The following VGLL4 variants were observed in gnomAD, a reference collection of about 807,000 sequenced individuals.
VGLL4 encodes vestigial like family member 4, also known as transcription cofactor vestigial-like protein 4.
VGLL4 carries 7 observed loss-of-function variants against 21.0 expected under a neutral mutation model. That is an observed-to-expected ratio of 0.33 (90% CI 0.19 to 0.63). VGLL4 has a LOEUF of 0.63. Among genes scored for constraint, VGLL4 ranks in the 20% least tolerant of loss-of-function variants. The pLI is 0.78. For synonymous variants in VGLL4, 222 were observed against 173.2 expected (o/e 1.28, Z -2.21); for missense variants, 394 against 425.7 (o/e 0.93, Z 0.66).
intron 1 of VGLL4, among the ~76,000 whole-genome samples, chr3:11,704,613 G>A (rs2076733937): frequency 6.6e-6 from 1 of 151,994 alleles, no homozygotes; most frequent in Admixed American, 6.6e-5. Context: ...ATTCTGCACT[G>A]GGTGTTCATA....
At chr3:11,713,459 C>T (rs1185157258) in intron 1 of VGLL4, among the ~76,000 whole-genome samples, 1 of 151,700 alleles carries the variant, frequency 6.6e-6, no homozygotes, top group South Asian at 2.1e-4. Context: ...CTTACTTCTA[C>T]ACATGATCAC....
rs1394283753 is a variant in VGLL4, at chr3:11,556,184, A to G, written c.*2372T>C. 6.6e-6 allele frequency: 1 copy of G among 152,572 alleles called. No individual in the cohort carries two copies. Among genetic ancestry groups the G allele is most frequent in the East Asian group, 1.9e-4 (1 of 5,326 alleles). The allele number at this position is 152,572 out of a possible 1,614,324, so 9.5% of individuals were successfully genotyped here. A position where few individuals can be genotyped will look rare whatever the true frequency, so the allele number is the denominator to read the frequency against. ...AAAAACAGGCCACAGAGAATGGTAT[A>G]TTACAGATTTACACACATGAAGAGA... On this transcript the variant is annotated 3_prime_UTR_variant, in exon 5 of 5. Transcript: ENST00000430365.
At chr3:11,676,404 AAAAAAAT>A (rs1301231000) in intron 2 of VGLL4, among the ~76,000 whole-genome samples, 2 of 32,822 alleles carry the variant, frequency 6.1e-5, no homozygotes, top group African/African-American at 1.4e-4. Flanking sequence ...CAAAAAAAAA[AAAAAAAT>A]AAAATAATAA....
chr3:11,679,903 G>C (rs1053360196), intron 2 of VGLL4, among the ~76,000 whole-genome samples: 7 of 152,144 alleles, frequency 4.6e-5, no homozygotes, highest in African/African-American at 1.2e-4. Flanking sequence ...TTCATGTACA[G>C]TGTTTGCAGA....
At chr3:11,594,716 G>A (rs764459536) in intron 2 of VGLL4, among the ~76,000 whole-genome samples, 2 of 152,230 alleles carry the variant, frequency 1.3e-5, no homozygotes, top group East Asian at 1.9e-4. Flanking sequence ...TTGCAGCACT[G>A]TTAGTATTGT....
chr3:11,631,003 A>G (rs896165262), intron 1 of VGLL4, among the ~76,000 whole-genome samples: 7 of 152,222 alleles, frequency 4.6e-5, no homozygotes, highest in African/African-American at 9.6e-5. Context: ...TCATCCATCA[A>G]GTTTAGAAGA....
At chr3:11,670,850 C>A (rs956120071) in intron 2 of VGLL4, among the ~76,000 whole-genome samples, 2 of 152,076 alleles carry the variant, frequency 1.3e-5, no homozygotes, top group East Asian at 3.9e-4. Flanking sequence ...CCAGCCTGGC[C>A]AACATGATGA....
chr3:11,653,636 G>A lies in VGLL4; in HGVS notation c.64+49335C>T, dbSNP rs1349066610. ...ATCAGCCTCGGAATGCATTTCTGTCGCACATGTACTCAGAAGCAGATACGC... is the reference window on the plus strand; with the variant it reads ...ATCAGCCTCGGAATGCATTTCTGTCACACATGTACTCAGAAGCAGATACGC... On this transcript the variant is annotated intron_variant, in intron 2 of 5. Transcript: ENST00000273038. This position sits in a 1 kb window ranked among gnomAD's most constrained non-coding sequence, Gnocchi z 4.2. 3.9e-5 allele frequency among the ~76,000 whole-genome samples: 6 copies of A among 152,098 alleles called. No individual in the cohort carries two copies. In the East Asian group the frequency reaches 5.8e-4, roughly 15 times the overall value.
chr3:11,611,681 C>T (rs2075066156), intron 1 of VGLL4: 1 of 152,250 alleles, frequency 6.6e-6, no homozygotes, highest in African/African-American at 2.4e-5. Flanking sequence ...CGCTTCCAGA[C>T]CAGAACCACC....
chr3:11,653,601 T>C lies in VGLL4; in HGVS notation c.64+49370A>G, dbSNP rs536590819. Among the ~76,000 whole-genome samples the C allele has an allele frequency of 6.6e-6, 1 of 152,344 alleles. No homozygotes were observed. Among genetic ancestry groups the C allele is most frequent in the East Asian group, 1.9e-4 (1 of 5,184 alleles). The stretch of plus-strand genomic sequence containing the variant: ...TAGTGCTGCTATGAATATTCTAGTG[T>C]GTGTCTCTTATCAGCCTCGGAATGC... On this transcript the variant is annotated intron_variant, in intron 2 of 5. Transcript: ENST00000273038. This position sits in a 1 kb window ranked among gnomAD's most constrained non-coding sequence, Gnocchi z 4.2.
chr3:11,569,232 G>A (rs1168885167), intron 2 of VGLL4, among the ~76,000 whole-genome samples: 4 of 152,208 alleles, frequency 2.6e-5, no homozygotes, highest in Non-Finnish European at 4.4e-5. Flanking sequence ...GACGTTCTGA[G>A]CCTGCGCTGG....
chr3:11,580,788 C>T (rs1328263280), intron 2 of VGLL4, among the ~76,000 whole-genome samples: 1 of 152,188 alleles, frequency 6.6e-6, no homozygotes, highest in African/African-American at 2.4e-5. Flanking sequence ...AGAATATTCA[C>T]CACCCAGCTC....
chr3:11,606,844 AGCTT>A (rs1198370623), intron 1 of VGLL4, among the ~76,000 whole-genome samples: 1 of 152,152 alleles, frequency 6.6e-6, no homozygotes, highest in African/African-American at 2.4e-5. Context: ...ACGCTGTGGA[AGCTT>A]TGTTCCTTTG....
chr3:11,591,954 G>GACAACT (rs1235215588), intron 2 of VGLL4, among the ~76,000 whole-genome samples: 1 of 152,226 alleles, frequency 6.6e-6, no homozygotes, highest in Non-Finnish European at 1.5e-5. Flanking sequence ...AGTAATTTAG[G>GACAACT]ACAACTACAT....
intron 1 of VGLL4, among the ~76,000 whole-genome samples, chr3:11,629,942 A>G (rs556820175): frequency 1.3e-5 from 2 of 152,298 alleles, no homozygotes; most frequent in Admixed American, 6.5e-5. Flanking sequence ...ACTACCAAAT[A>G]AGAAATAAAG....
chr3:11,650,498 G>A (rs958964925), intron 2 of VGLL4, among the ~76,000 whole-genome samples: 1 of 152,132 alleles, frequency 6.6e-6, no homozygotes, highest in Non-Finnish European at 1.5e-5. Flanking sequence ...AAAATAAAAT[G>A]CTTTCATTTG....
intron 2 of VGLL4, among the ~76,000 whole-genome samples, chr3:11,581,203 A>C (rs1482414751): frequency 1.3e-5 from 2 of 151,868 alleles, no homozygotes; most frequent in African/African-American, 2.4e-5. Flanking sequence ...AGTAGTTAGG[A>C]TTACAGGCAT....
In VGLL4 at chr3:11,595,673, T is replaced by C. The variant is rs56072167; in HGVS notation, c.272+6160A>G. Reference sequence around the variant, plus strand: ...ATGCAGCCATAAAAAATGATGAGTTTATGTCCTTTGTAGGGACATGGATGA... The same window carrying C: ...ATGCAGCCATAAAAAATGATGAGTTCATGTCCTTTGTAGGGACATGGATGA... On this transcript the variant is annotated intron_variant, in intron 2 of 4. Coordinates refer to ENST00000430365, the MANE Select transcript of VGLL4 (RefSeq NM_001128219.3). 8.0e-3 allele frequency among the ~76,000 whole-genome samples: 1,220 copies of C among 152,096 alleles called. 16 individuals carry two copies. The highest frequency in any genetic ancestry group is 0.028 in the African/African-American group (1,153 of 41,490).
chr3:11,586,360 G>A (rs878984551), intron 2 of VGLL4, among the ~76,000 whole-genome samples: 1 of 152,166 alleles, frequency 6.6e-6, no homozygotes, highest in Admixed American at 6.5e-5. Flanking sequence ...AACGGTGCAG[G>A]AAGGATAGAA....
Sources: allele counts gnomAD v4.1 joint callset (sites outside exome capture counted in the v4.1 genomes callset), GRCh38; gene constraint gnomAD v4.1.1; non-coding constraint Gnocchi (gnomAD v3.1); transcripts MANE v1.5; gene names NCBI Gene and HGNC (gene_info 2026-07-23, HGNC 2026-07-21).